The following OLFM3 variants were observed in gnomAD, a reference collection of about 807,000 sequenced individuals.
The protein encoded by OLFM3 is olfactomedin 3, also known as noelin-3.
A neutral mutation model predicts 48.6 loss-of-function variants in OLFM3; 20 were observed. The ratio of observed to expected loss-of-function variants is 0.41; its 90% CI spans 0.29 to 0.60. The LOEUF (loss-of-function observed/expected upper bound fraction) is 0.60. Ranked by LOEUF, OLFM3 falls within the 20% of genes least tolerant of loss-of-function variation. The pLI is 0.28. For synonymous variants in OLFM3, 222 were observed against 198.1 expected (o/e 1.12, Z -1.01); for missense variants, 437 against 544.3 (o/e 0.80, Z 1.96).
In OLFM3 at chr1:101,804,507, G is replaced by A. The variant is rs1653663832; in HGVS notation, c.1108C>T (p.Pro370Ser). 1 of 1,612,596 alleles carries A rather than the reference G, an allele frequency of 6.2e-7. No individual in the cohort carries two copies. The highest frequency in any genetic ancestry group is 8.5e-7 in the Non-Finnish European group (1 of 1,179,108). ...AAAGATTCCCCTGCACTTCTCTTGGGGTAGCCAGTGCTCCAGCTCTTCATC... is the reference window on the plus strand; with the variant it reads ...AAAGATTCCCCTGCACTTCTCTTGGAGTAGCCAGTGCTCCAGCTCTTCATC... The part of the protein sequence containing the change: ...EVMKSWSTGY[P>S]KRSAGESFMI... Residue 370 changes from proline to serine, a missense_variant, in exon 6 of 6, where the codon CCC (proline) becomes TCC (serine). Physicochemically the swap from Pro to Ser is moderately conservative, Grantham distance 74 (BLOSUM62 -1). Around this residue, in one of 3 missense-constraint regions of OLFM3, gnomAD observed 108 missense variants for 135.8 expected, o/e 0.80. Transcript: ENST00000370103. The surrounding 1 kb of genome is among the most constrained non-coding windows in gnomAD (Gnocchi z 4.5).
chr1:101,981,765 CCT>C (rs142948909), intron 1 of OLFM3, among the ~76,000 whole-genome samples: 5 of 152,204 alleles, frequency 3.3e-5, no homozygotes, highest in East Asian at 3.9e-4. Flanking sequence ...GAATTATTTC[CCT>C]GTTAGCTAAT....
intron 1 of OLFM3, among the ~76,000 whole-genome samples, chr1:101,854,307 A>T (rs992079380): frequency 1.3e-5 from 2 of 151,976 alleles, no homozygotes; most frequent in African/African-American, 4.8e-5. Context: ...AGGTTTCAAT[A>T]TTGTCTTAAA....
chr1:101,825,112 T>C lies in OLFM3; in HGVS notation c.506A>G (p.Glu169Gly). ...CTCGTAGTCATAGGCACCAATTTCC[T>C]CCTGAATACCAGTGAGGACAGCAGA... Reference protein sequence around the residue: ...NLSAVLTGIQEEIGAYDYEEL... With the variant: ...NLSAVLTGIQGEIGAYDYEEL... The change falls in exon 4 of 6, where the codon GAG (glutamate) becomes GGG (glycine). Residue 169 changes from glutamate (E) to glycine (G), a missense_variant. Glu to Gly is a moderately conservative substitution (Grantham distance 98, BLOSUM62 -2). Transcript: ENST00000370103. 6.2e-7 allele frequency: 1 copy of C among 1,614,082 alleles called. No individual in the cohort carries two copies. The highest frequency in any genetic ancestry group is 8.5e-7 in the Non-Finnish European group (1 of 1,179,968).
At chr1:101,857,036 T>G (rs765979242) in intron 1 of OLFM3, among the ~76,000 whole-genome samples, 15 of 151,942 alleles carry the variant, frequency 9.9e-5, no homozygotes, top group Admixed American at 2.6e-4. Flanking sequence ...ACAGTAAAAT[T>G]TACTATGGGC....
chr1:101,870,910 C>A (rs1657054346), intron 1 of OLFM3, among the ~76,000 whole-genome samples: 1 of 151,254 alleles, frequency 6.6e-6, no homozygotes, highest in African/African-American at 2.4e-5. Flanking sequence ...TATGACACTA[C>A]ACAGAAACAT....
chr1:101,985,934 A>G (rs1661220649), intron 1 of OLFM3, among the ~76,000 whole-genome samples: 1 of 152,010 alleles, frequency 6.6e-6, no homozygotes, highest in African/African-American at 2.4e-5. Flanking sequence ...CTATGAGCAG[A>G]AGTAAAAAGA....
intron 4 of OLFM3, among the ~76,000 whole-genome samples, chr1:101,818,649 T>G (rs1381975682): frequency 6.6e-6 from 1 of 152,116 alleles, no homozygotes; most frequent in Non-Finnish European, 1.5e-5. Context: ...TTGCTTTAAG[T>G]GCTAATAAAA....
intron 1 of OLFM3, among the ~76,000 whole-genome samples, chr1:101,991,657 T>C (rs936740286): frequency 2.0e-5 from 3 of 151,404 alleles, no homozygotes; most frequent in Admixed American, 1.3e-4. Flanking sequence ...TTTCCCTAGA[T>C]GACTTTCAGT....
At chr1:101,974,177 A>C (rs775852418) in intron 1 of OLFM3, among the ~76,000 whole-genome samples, 2 of 152,106 alleles carry the variant, frequency 1.3e-5, no homozygotes, top group Non-Finnish European at 2.9e-5. Context: ...AAAAATGACA[A>C]ATTTAACAAC....
intron 1 of OLFM3, among the ~76,000 whole-genome samples, chr1:101,976,548 T>A (rs761001535): frequency 1.8e-4 from 27 of 152,204 alleles, no homozygotes; most frequent in Non-Finnish European, 3.1e-4. Context: ...TGTCTTGCTG[T>A]GTTTTAGATA....
chr1:101,949,931 GAAA>G (rs71088114), intron 1 of OLFM3, among the ~76,000 whole-genome samples: 3 of 53,360 alleles, frequency 5.6e-5, no homozygotes, highest in South Asian at 9.6e-4. Flanking sequence ...GACTCCGTCT[GAAA>G]AAAAAAAAAA....
At chr1:101,945,393 A>C (rs1211813362) in intron 1 of OLFM3, among the ~76,000 whole-genome samples, 1 of 152,228 alleles carries the variant, frequency 6.6e-6, no homozygotes, top group African/African-American at 2.4e-5. Flanking sequence ...TGAGTGAAAA[A>C]GCCAGACATA....
chr1:101,833,494 A>C (rs1655263292), intron 2 of OLFM3, among the ~76,000 whole-genome samples: 2 of 152,188 alleles, frequency 1.3e-5, no homozygotes, highest in Non-Finnish European at 2.9e-5. Flanking sequence ...ACTGTCTGCT[A>C]TGTTCCCTCT....
chr1:101,852,250 T>C (rs1656250815), intron 1 of OLFM3, among the ~76,000 whole-genome samples: 2 of 152,092 alleles, frequency 1.3e-5, no homozygotes, highest in Admixed American at 1.3e-4. Flanking sequence ...CTTACCATCT[T>C]CAATTTCTCT....
chr1:101,993,932 G>A (rs189235763), intron 1 of OLFM3, among the ~76,000 whole-genome samples: 85 of 143,148 alleles, frequency 5.9e-4, no homozygotes, highest in Middle Eastern at 3.7e-3. Context: ...TGCCATATAA[G>A]ACCTGTAAGC....
rs113508319 is a variant in OLFM3 at position 101,857,796 on chromosome 1, A to T, written c.70-20771T>A. ...GTAGGATTTAAGTATGGTTTCCAAGAATTCCCCAGGTAATTTTGATGTGCT... is the reference window on the plus strand; with the variant it reads ...GTAGGATTTAAGTATGGTTTCCAAGTATTCCCCAGGTAATTTTGATGTGCT... On this transcript the variant is annotated intron_variant, in intron 1 of 5. Transcript: ENST00000370103. 1.4e-3 allele frequency among the ~76,000 whole-genome samples: 210 copies of T among 152,086 alleles called. 1 individual carries two copies. Among genetic ancestry groups the T allele is most frequent in the African/African-American group, 4.5e-3 (186 of 41,420 alleles).
At chr1:101,970,021 T>G (rs535690451) in intron 1 of OLFM3, among the ~76,000 whole-genome samples, 204 of 147,468 alleles carry the variant, frequency 1.4e-3, no homozygotes, top group Non-Finnish European at 2.1e-3. Context: ...AATGACAGAT[T>G]TTTTTTTTTT....
intron 1 of OLFM3, among the ~76,000 whole-genome samples, chr1:101,930,675 G>A (rs1659418569): frequency 6.6e-6 from 1 of 152,144 alleles, no homozygotes; most frequent in Admixed American, 6.6e-5. Context: ...ATTATAGCAG[G>A]GCTTTAAAGA....
intron 1 of OLFM3, among the ~76,000 whole-genome samples, chr1:101,949,886 C>T (rs939717288): frequency 2.9e-5 from 4 of 138,554 alleles, no homozygotes; most frequent in Admixed American, 2.4e-4. Context: ...GCCGAGATCG[C>T]GCCACTGCAC....
Sources: allele counts gnomAD v4.1 joint callset (sites outside exome capture counted in the v4.1 genomes callset), GRCh38; gene constraint gnomAD v4.1.1; regional missense constraint gnomAD v4.1.1; non-coding constraint Gnocchi (gnomAD v3.1); transcripts MANE v1.5; gene names NCBI Gene and HGNC (gene_info 2026-07-23, HGNC 2026-07-21).